Variants in RNF180 observed in about 807,000 individuals in gnomAD.
RNF180 encodes E3 ubiquitin-protein ligase RNF180.
RNF180 carries 38 observed loss-of-function variants against 59.2 expected under a neutral mutation model. That is an observed-to-expected ratio of 0.64 (90% CI 0.50 to 0.84). The LOEUF (loss-of-function observed/expected upper bound fraction) is 0.84. RNF180 is among the 40% of genes least tolerant of loss of function. The probability of loss-of-function intolerance (pLI) is 0.00; values close to 1 mark genes in which losing one functional copy is unlikely to be tolerated. For synonymous variants in RNF180, 262 were observed against 240.3 expected, an observed-to-expected ratio of 1.09 and a Z score of -0.84; for missense variants, 705 against 700.9, an observed-to-expected ratio of 1.01 and a Z score of -0.07.
chr5:64,327,152 T>C (rs994006091), intron 6 of RNF180, among the ~76,000 whole-genome samples: 3 of 152,242 alleles, frequency 2.0e-5, no homozygotes, highest in Non-Finnish European at 2.9e-5. Flanking sequence ...GTGACATCTT[T>C]TTTGTTTCTG....
At chr5:64,356,982 T>TTA (rs1232395962) in intron 7 of RNF180, among the ~76,000 whole-genome samples, 7 of 151,862 alleles carry the variant, frequency 4.6e-5, no homozygotes, top group African/African-American at 9.7e-5. Flanking sequence ...AAATGTTATG[T>TTA]TATATATATC....
At chr5:64,369,270 T>TG (rs1158198541) in intron 7 of RNF180, among the ~76,000 whole-genome samples, 1 of 151,700 alleles carries the variant, frequency 6.6e-6, no homozygotes, top group African/African-American at 2.4e-5. Flanking sequence ...TGAGAACACA[T>TG]GGACACAGGA....
In RNF180 at chr5:64,187,404, T is replaced by C. The variant is rs139535041; in HGVS notation, c.1-13404T>C. Among the ~76,000 whole-genome samples the C allele has an allele frequency of 3.5e-3, 532 of 152,152 alleles. 2 individuals are homozygous for C. The highest frequency in any genetic ancestry group is 0.012 in the African/African-American group (483 of 41,546). ...AAGGTGAGAGGTGGCTAGATGGAGA[T>C]AGGAAAAATACTTATAGATGTGAAC... On this transcript the variant is annotated intron_variant, in intron 1 of 7. Coordinates refer to ENST00000389100, the MANE Select transcript of RNF180 (RefSeq NM_001113561.2).
In RNF180 at chr5:64,369,880, T is replaced by G. The variant is rs1746601831; in HGVS notation, c.*66T>G. The G allele has an allele frequency of 1.1e-6, 1 of 934,520 alleles. No individual in the cohort carries two copies. The highest frequency in any genetic ancestry group is 1.7e-5 in the African/African-American group (1 of 58,542). The allele number at this position is 934,520 out of a possible 1,614,324, so 57.9% of individuals were successfully genotyped here. ...GTAAATAACAATTGCTTAAACATTT[T>G]TAAATGTGCTTTGAAGTTTTTTTAA... is the stretch of plus-strand genomic sequence containing the variant. On this transcript the variant is annotated 3_prime_UTR_variant, in exon 8 of 8. Coordinates refer to ENST00000389100, the MANE Select transcript of RNF180 (RefSeq NM_001113561.2).
intron 2 of RNF180, among the ~76,000 whole-genome samples, chr5:64,204,771 C>T (rs192590894): frequency 6.6e-6 from 1 of 151,982 alleles, no homozygotes; most frequent in African/African-American, 2.4e-5. Context: ...TACTGAATAC[C>T]AAAGTTAGGC....
chr5:64,287,410 A>C (rs902751775), intron 5 of RNF180, among the ~76,000 whole-genome samples: 1 of 152,178 alleles, frequency 6.6e-6, no homozygotes, highest in Non-Finnish European at 1.5e-5. Flanking sequence ...ATGAGTGCAC[A>C]TCCAGAATAT....
At chr5:64,337,252 T>C (rs1305617292) in intron 7 of RNF180, among the ~76,000 whole-genome samples, 1 of 152,092 alleles carries the variant, frequency 6.6e-6, no homozygotes, top group East Asian at 1.9e-4. Context: ...CAAGCAATCC[T>C]CCTTCCTCGG....
At chr5:64,218,816 AGAG>A (rs1752763408) in intron 5 of RNF180, among the ~76,000 whole-genome samples, 1 of 152,050 alleles carries the variant, frequency 6.6e-6, no homozygotes, top group African/African-American at 2.4e-5. Context: ...TTTTCTTTTG[AGAG>A]GAGTTATTGT....
intron 7 of RNF180, among the ~76,000 whole-genome samples, chr5:64,362,981 C>A (rs1746316752): frequency 6.6e-6 from 1 of 150,738 alleles, no homozygotes; most frequent in African/African-American, 2.5e-5. Context: ...GGATATTAGA[C>A]CTTTGTCAGA....
chr5:64,201,361 T>A (rs1271857562), intron 2 of RNF180, among the ~76,000 whole-genome samples: 2 of 152,184 alleles, frequency 1.3e-5, no homozygotes, highest in East Asian at 3.8e-4. Flanking sequence ...AAAAGAAAGT[T>A]TATGTGTTAA....
chr5:64,279,096 T>G (rs1741872191), intron 5 of RNF180, among the ~76,000 whole-genome samples: 1 of 152,174 alleles, frequency 6.6e-6, no homozygotes, highest in South Asian at 2.1e-4. Context: ...GGCTGGGCCC[T>G]ATAACATACC....
At chr5:64,350,264 T>G (rs1407912596) in intron 7 of RNF180, among the ~76,000 whole-genome samples, 1 of 151,816 alleles carries the variant, frequency 6.6e-6, no homozygotes, top group Non-Finnish European at 1.5e-5. Context: ...GATGGGGTTG[T>G]TTTTTTTCTT....
chr5:64,312,594 G>C (rs768716223), intron 5 of RNF180, among the ~76,000 whole-genome samples: 2 of 152,090 alleles, frequency 1.3e-5, no homozygotes, highest in African/African-American at 4.8e-5. Context: ...TTGTTACTTT[G>C]CAGTGTTGTT....
chr5:64,203,598 A>T (rs1751862212), intron 2 of RNF180, among the ~76,000 whole-genome samples: 1 of 152,136 alleles, frequency 6.6e-6, no homozygotes, highest in Non-Finnish European at 1.5e-5. Context: ...AAGTAAAAAT[A>T]TATTCATTTA....
chr5:64,302,570 T>A (rs984658326), intron 5 of RNF180, among the ~76,000 whole-genome samples: 1 of 151,626 alleles, frequency 6.6e-6, no homozygotes, highest in Admixed American at 6.6e-5. Context: ...TCCAAGTCTC[T>A]TAGTCCATGC....
rs78706051 is a variant in RNF180, at chr5:64,369,476, A to G, written c.1580-139A>G. 1.6e-3 allele frequency: 788 copies of G among 489,174 alleles called. 4 individuals are homozygous for G. Among genetic ancestry groups the G allele is most frequent in the African/African-American group, 0.015 (741 of 49,444 alleles). The allele number at this position is 489,174 out of a possible 1,614,324, so 30.3% of individuals were successfully genotyped here. On this transcript the variant is annotated intron_variant, in intron 7 of 7. Coordinates refer to ENST00000389100, the MANE Select transcript of RNF180 (RefSeq NM_001113561.2). ...AAAGTATAATAATAATAAAAAAAAA[A>G]GAAAAAACTGTCAGGAATACAACAT...
chr5:64,325,053 T>A lies in RNF180; in HGVS notation c.1228-133T>A, dbSNP rs1309504187. 4.1e-5 allele frequency: 25 copies of A among 612,080 alleles called. No homozygotes were observed. The East Asian group carries it at 6.9e-4, about 17-fold the overall frequency. 37.9% of individuals were successfully genotyped at this position (612,080 alleles called of 1,614,324 possible). ...GTTTCTTGACTTTGAAAGGTAGCAT[T>A]TCTGGCACTTTGAATATGCCACAGT... On this transcript the variant is annotated intron_variant, in intron 5 of 7. Transcript: ENST00000389100.
At chr5:64,193,222 TA>T (rs1751274407) in intron 1 of RNF180, among the ~76,000 whole-genome samples, 1 of 151,946 alleles carries the variant, frequency 6.6e-6, no homozygotes, top group African/African-American at 2.4e-5. Flanking sequence ...ATATATTACC[TA>T]TAGTTAACAG....
At chr5:64,315,469 G>T (rs1490040852) in intron 5 of RNF180, among the ~76,000 whole-genome samples, 1 of 152,176 alleles carries the variant, frequency 6.6e-6, no homozygotes, top group African/African-American at 2.4e-5. Context: ...TACTCGGCCA[G>T]CATGGTGGCT....
Sources: gnomAD v4.1 joint callset for allele counts (sites outside exome capture counted in the v4.1 genomes callset) on GRCh38, gnomAD v4.1.1 for gene constraint, MANE v1.5 for transcripts, NCBI Gene and HGNC (gene_info 2026-07-23, HGNC 2026-07-21) for gene names.